The following C1orf21 variants were observed in gnomAD, a reference collection of about 807,000 sequenced individuals.
The protein encoded by C1orf21 is uncharacterized protein C1orf21.
C1orf21 carries 3 observed loss-of-function variants against 18.7 expected under a neutral mutation model. That is an observed-to-expected ratio of 0.16 (90% CI 0.07 to 0.42). The LOEUF is 0.42. C1orf21 is among the 10% of genes least tolerant of loss of function. The pLI, the probability that C1orf21 is intolerant of heterozygous loss-of-function variation, is 0.99. For synonymous variants in C1orf21, 41 were observed against 46.4 expected (o/e 0.88, Z 0.47); for missense variants, 104 against 143.6 (o/e 0.72, Z 1.41).
At chr1:184,552,782 A>T (rs936361097) in intron 3 of C1orf21, among the ~76,000 whole-genome samples, 11 of 152,224 alleles carry the variant, frequency 7.2e-5, no homozygotes, top group Non-Finnish European at 1.3e-4. Flanking sequence ...ATGACATAGG[A>T]AACATTCCAA....
chr1:184,561,117 A>ATT (rs1489579385), intron 3 of C1orf21, among the ~76,000 whole-genome samples: 2 of 152,196 alleles, frequency 1.3e-5, no homozygotes, highest in Non-Finnish European at 1.5e-5. Flanking sequence ...TGACAAGGGC[A>ATT]TTTACCATAT....
intron 1 of C1orf21, among the ~76,000 whole-genome samples, chr1:184,423,729 T>A (rs771920497): frequency 3.9e-5 from 6 of 151,992 alleles, no homozygotes; most frequent in Non-Finnish European, 7.4e-5. Flanking sequence ...GCTCCTTCTT[T>A]CCTTTCTTCC....
In C1orf21 at chr1:184,387,155, G is replaced by A. The variant is rs1655899394; in HGVS notation, c.-338G>A. Reference sequence around the variant, plus strand: ...GCGCGCCGCGCTCAGTTACTGGAGAGCTGGCCGCGCGCCGCCGCCTCCCGC... The same window carrying A: ...GCGCGCCGCGCTCAGTTACTGGAGAACTGGCCGCGCGCCGCCGCCTCCCGC... On this transcript the variant is annotated 5_prime_UTR_variant, in exon 1 of 6. Transcript: ENST00000235307. The surrounding 1 kb of genome is among the most constrained non-coding windows in gnomAD (Gnocchi z 5.6). 1 of 152,270 alleles carries A rather than the reference G, an allele frequency of 6.6e-6. No individual in the cohort carries two copies. Among genetic ancestry groups the A allele is most frequent in the South Asian group, 2.1e-4 (1 of 4,836 alleles). 9.4% of individuals were successfully genotyped at this position (152,270 alleles called of 1,614,324 possible). A position where few individuals can be genotyped will look rare whatever the true frequency, so the allele number is the denominator to read the frequency against.
intron 3 of C1orf21, among the ~76,000 whole-genome samples, chr1:184,587,421 G>A (rs1306685252): frequency 1.3e-5 from 2 of 151,730 alleles, no homozygotes; most frequent in East Asian, 1.9e-4. Flanking sequence ...ATCCATAAAC[G>A]TGGAATGTTT....
At chr1:184,529,289 G>A (rs1399107004) in intron 3 of C1orf21, among the ~76,000 whole-genome samples, 1 of 152,104 alleles carries the variant, frequency 6.6e-6, no homozygotes, top group Admixed American at 6.5e-5. Flanking sequence ...TGTGCTTCAT[G>A]TTTTGAATAC....
intron 3 of C1orf21, among the ~76,000 whole-genome samples, chr1:184,536,719 T>A (rs1658562803): frequency 6.6e-6 from 1 of 152,098 alleles, no homozygotes; most frequent in Admixed American, 6.5e-5. Flanking sequence ...ATGAAAAAAA[T>A]TCAGACACTA....
chr1:184,551,954 A>AAT (rs1202057227), intron 3 of C1orf21, among the ~76,000 whole-genome samples: 1 of 151,812 alleles, frequency 6.6e-6, no homozygotes, highest in Admixed American at 6.6e-5. Context: ...AAAAAAAAAA[A>AAT]AAAAGGAACC....
chr1:184,412,651 G>GA (rs58696214), intron 1 of C1orf21, among the ~76,000 whole-genome samples: 42,668 of 151,492 alleles, frequency 0.28, 7,565 homozygotes, highest in African/African-American at 0.51. Context: ...CTGCAAAAAA[G>GA]AAAAAAAATA....
At chr1:184,497,170 T>A (rs1377113090) in intron 2 of C1orf21, among the ~76,000 whole-genome samples, 5 of 152,234 alleles carry the variant, frequency 3.3e-5, no homozygotes, top group African/African-American at 1.2e-4. Flanking sequence ...GAGCAGAATG[T>A]GTTGCCAAAA....
intron 1 of C1orf21, among the ~76,000 whole-genome samples, chr1:184,429,999 C>T (rs550227754): frequency 6.9e-4 from 105 of 151,676 alleles, no homozygotes; most frequent in Non-Finnish European, 1.2e-3. Context: ...GTAGTCCCAG[C>T]TACTCGGGAG....
rs1186591300 is a variant in C1orf21, at chr1:184,628,431, C to T, written c.*8875C>T. On this transcript the variant is annotated 3_prime_UTR_variant, in exon 6 of 6. Transcript: ENST00000235307. ...AACTCCTGAGGGGGACCTTGGGCAC[C>T]TCCTGGTATGTGCACACCCCACTTT... 5 of 152,126 alleles carry T rather than the reference C, an allele frequency of 3.3e-5. No individual in the cohort carries two copies. Among genetic ancestry groups the T allele is most frequent in the Admixed American group, 2.6e-4 (4 of 15,264 alleles). 9.4% of individuals were successfully genotyped at this position (152,126 alleles called of 1,614,324 possible).
chr1:184,438,571 G>C (rs969110957), intron 1 of C1orf21, among the ~76,000 whole-genome samples: 4 of 152,208 alleles, frequency 2.6e-5, no homozygotes, highest in African/African-American at 9.6e-5. Context: ...GGTTGCTCAA[G>C]GCCAGACATG....
intron 3 of C1orf21, among the ~76,000 whole-genome samples, chr1:184,586,395 T>G (rs1659353699): frequency 6.6e-6 from 1 of 151,492 alleles, no homozygotes; most frequent in African/African-American, 2.4e-5. Flanking sequence ...GCCATTCTCC[T>G]GCCTCAGCCT....
At chr1:184,398,959 A>G (rs1202177480) in intron 1 of C1orf21, among the ~76,000 whole-genome samples, 1 of 152,156 alleles carries the variant, frequency 6.6e-6, no homozygotes, top group Non-Finnish European at 1.5e-5. Context: ...AATAATCATA[A>G]TATTATTATC....
intron 3 of C1orf21, among the ~76,000 whole-genome samples, chr1:184,525,858 C>G (rs1055859684): frequency 6.6e-6 from 1 of 152,104 alleles, no homozygotes; most frequent in Non-Finnish European, 1.5e-5. Flanking sequence ...AGGAGAATGT[C>G]CAGTCACCTA....
chr1:184,388,025 A>C (rs181341597), intron 1 of C1orf21, among the ~76,000 whole-genome samples: 117 of 151,232 alleles, frequency 7.7e-4, no homozygotes, highest in Middle Eastern at 3.4e-3. Context: ...AACAGATTTC[A>C]CTCTCCTCTG....
intron 1 of C1orf21, among the ~76,000 whole-genome samples, chr1:184,425,368 C>A (rs1656618906): frequency 6.6e-6 from 1 of 151,734 alleles, no homozygotes; most frequent in South Asian, 2.1e-4. Flanking sequence ...TGGGTTCAAG[C>A]AATCCTCCTG....
intron 1 of C1orf21, among the ~76,000 whole-genome samples, chr1:184,459,571 T>C (rs1241988378): frequency 6.6e-6 from 1 of 152,228 alleles, no homozygotes; most frequent in African/African-American, 2.4e-5. Context: ...TTATGGCCAG[T>C]ATCTGTCTGT....
intron 1 of C1orf21, among the ~76,000 whole-genome samples, chr1:184,425,387 T>C (rs1342919990): frequency 6.6e-6 from 1 of 151,784 alleles, no homozygotes. Context: ...TGCCTCAGCC[T>C]CCAGAGTAGC....
Sources: allele counts gnomAD v4.1 joint callset (sites outside exome capture counted in the v4.1 genomes callset), GRCh38; gene constraint gnomAD v4.1.1; non-coding constraint Gnocchi (gnomAD v3.1); transcripts MANE v1.5; gene names NCBI Gene and HGNC (gene_info 2026-07-23, HGNC 2026-07-21).